PGM5: variants seen among roughly 807,000 people sequenced by gnomAD.
PGM5 encodes phosphoglucomutase 5.
PGM5 carries 23 observed loss-of-function variants against 59.2 expected under a neutral mutation model. The observed-to-expected ratio is 0.39, with a 90% CI of 0.28 to 0.55. The LOEUF is 0.55. PGM5 is among the 20% of genes least tolerant of loss of function. The pLI, the probability that PGM5 is intolerant of heterozygous loss-of-function variation, is 0.66. For synonymous variants in PGM5, 214 were observed against 286.0 expected (o/e 0.75, Z 2.54); for missense variants, 574 against 748.3 (o/e 0.77, Z 2.72).
chr9:68,478,880 G>C (rs182062841), intron 7 of PGM5, among the ~76,000 whole-genome samples: 1 of 152,144 alleles, frequency 6.6e-6, no homozygotes, highest in African/African-American at 2.4e-5. Flanking sequence ...CTGTTGGGTC[G>C]GGGAACCACC....
chr9:68,456,469 C>A (rs1554684870), intron 6 of PGM5, among the ~76,000 whole-genome samples: 1 of 146,830 alleles, frequency 6.8e-6, no homozygotes, highest in Admixed American at 6.7e-5. Flanking sequence ...TGCCACCACG[C>A]CTGGCTAATT....
At chr9:68,447,181 A>G (rs1201114918) in intron 6 of PGM5, among the ~76,000 whole-genome samples, 1 of 152,182 alleles carries the variant, frequency 6.6e-6, no homozygotes, top group Non-Finnish European at 1.5e-5. Context: ...ATGTCTGAGG[A>G]TCATGCTCAC....
intron 10 of PGM5, among the ~76,000 whole-genome samples, chr9:68,503,726 G>A (rs2132108379): frequency 6.6e-6 from 1 of 152,290 alleles, no homozygotes; most frequent in East Asian, 1.9e-4. Context: ...AATGAGAAGA[G>A]TCAGCTCAGA....
intron 6 of PGM5, among the ~76,000 whole-genome samples, chr9:68,404,447 TAGAC>T (rs1554680936): frequency 1.3e-5 from 2 of 152,110 alleles, no homozygotes; most frequent in Admixed American, 1.3e-4. Flanking sequence ...AAATCTGAGA[TAGAC>T]AACACTGATG....
intron 8 of PGM5, among the ~76,000 whole-genome samples, chr9:68,481,169 T>C (rs1554687108): frequency 6.6e-6 from 1 of 152,248 alleles, no homozygotes; most frequent in Non-Finnish European, 1.5e-5. Flanking sequence ...TTTCTTCTGT[T>C]AAGAAGACTT....
In PGM5 at chr9:68,357,149, G is replaced by T. The variant is rs577139170; in HGVS notation, c.22G>T (p.Val8Leu). The T allele has an allele frequency of 3.9e-4, 593 of 1,532,876 alleles. 2 individuals carry two copies. In the African/African-American group the frequency reaches 6.9e-3, roughly 18 times the overall value. 95.0% of individuals were successfully genotyped at this position (1,532,876 alleles called of 1,614,324 possible). A position where few individuals can be genotyped will look rare whatever the true frequency, so the allele number is the denominator to read the frequency against. The change falls in exon 1 of 11, where the codon GTG becomes TTG. Residue 8 changes from valine to leucine, a missense_variant. By Grantham distance (32) the Val-to-Leu change is conservative (BLOSUM62 1). Around this residue, in one of 7 missense-constraint regions of PGM5, gnomAD observed 60 missense variants for 71.0 expected, o/e 0.85. Transcript: ENST00000396396. MEGSPIPVLTVPTAPYED... is the reference protein window; with the variant it reads MEGSPIPLLTVPTAPYED... ...CGCCATGGAGGGGAGCCCCATCCCG[G>T]TGCTGACAGTGCCCACCGCGCCCTA...
At chr9:68,407,284 T>A (rs1390923101) in intron 6 of PGM5, among the ~76,000 whole-genome samples, 1 of 152,088 alleles carries the variant, frequency 6.6e-6, no homozygotes, top group Non-Finnish European at 1.5e-5. Context: ...TGCACCACCC[T>A]ACCTGGCTAA....
At chr9:68,434,316 C>CAAAAAAAAAAAAAAAAAAAAAAAAGAA (rs71353054) in intron 6 of PGM5, among the ~76,000 whole-genome samples, 1 of 90,832 alleles carries the variant, frequency 1.1e-5, no homozygotes, top group African/African-American at 4.0e-5. Flanking sequence ...GACTCCGTCT[C>CAAAAAAAAAAAAAAAAAAAAAAAAGAA]AAAAAAAAAA....
At chr9:68,478,609 T>A (rs1806020537) in intron 7 of PGM5, among the ~76,000 whole-genome samples, 2 of 152,156 alleles carry the variant, frequency 1.3e-5, no homozygotes, top group African/African-American at 4.8e-5. Flanking sequence ...TAGAGGAGGA[T>A]TCCCCTTGCC....
intron 10 of PGM5, among the ~76,000 whole-genome samples, 158 bp from the exon 11 acceptor site, chr9:68,529,409 A>G (rs1189586698): frequency 6.6e-6 from 1 of 152,038 alleles, no homozygotes; most frequent in East Asian, 1.9e-4. Context: ...CATTCCAACT[A>G]CCATTGGTGG....
intron 6 of PGM5, among the ~76,000 whole-genome samples, chr9:68,417,275 G>T (rs764353525): frequency 3.9e-5 from 6 of 152,168 alleles, no homozygotes; most frequent in Non-Finnish European, 8.8e-5. Flanking sequence ...GCCATGTTTG[G>T]AGGTCCCTTC....
At chr9:68,419,891 T>A (rs1823099225) in intron 6 of PGM5, among the ~76,000 whole-genome samples, 1 of 152,200 alleles carries the variant, frequency 6.6e-6, no homozygotes, top group Non-Finnish European at 1.5e-5. Context: ...GTGTTAATGC[T>A]GCTGGAAGAC....
chr9:68,368,436 C>A (rs1248445108), intron 1 of PGM5, among the ~76,000 whole-genome samples: 2 of 150,980 alleles, frequency 1.3e-5, no homozygotes, highest in Non-Finnish European at 3.0e-5. Flanking sequence ...CAGTGCCAGT[C>A]GGAGACACAG....
At chr9:68,370,266 A>C (rs1355938875) in intron 1 of PGM5, among the ~76,000 whole-genome samples, 1 of 152,084 alleles carries the variant, frequency 6.6e-6, no homozygotes, top group Admixed American at 6.5e-5. Flanking sequence ...GTCATGCTTA[A>C]TTTTCTTTTC....
intron 10 of PGM5, among the ~76,000 whole-genome samples, chr9:68,520,955 T>C (rs1292961407): frequency 1.3e-5 from 2 of 152,250 alleles, no homozygotes; most frequent in Non-Finnish European, 2.9e-5. Flanking sequence ...AATTTTCAAA[T>C]AGTGTGCCTA....
intron 6 of PGM5, among the ~76,000 whole-genome samples, chr9:68,392,751 T>C (rs1382212028): frequency 1.3e-5 from 2 of 152,086 alleles, no homozygotes; most frequent in Non-Finnish European, 2.9e-5. Flanking sequence ...GGTATCTTTA[T>C]ATGGATTGTC....
chr9:68,364,982 C>T (rs1187886903), intron 1 of PGM5, among the ~76,000 whole-genome samples: 25 of 152,178 alleles, frequency 1.6e-4, no homozygotes, highest in African/African-American at 5.3e-4. Flanking sequence ...CAACATTATG[C>T]GTGAAACTTG....
chr9:68,510,383 C>T (rs1350338425), intron 10 of PGM5, among the ~76,000 whole-genome samples: 6 of 152,080 alleles, frequency 3.9e-5, no homozygotes, highest in Admixed American at 1.3e-4. Flanking sequence ...GATCTCCTGA[C>T]CTCGTGATCC....
At chr9:68,464,209 A>T in intron 6 of PGM5, among the ~76,000 whole-genome samples, 1 of 152,212 alleles carries the variant, frequency 6.6e-6, no homozygotes, top group East Asian at 1.9e-4. Context: ...GTTGAGCAAC[A>T]TTGCACACTA....
Sources: allele counts gnomAD v4.1 joint callset (sites outside exome capture counted in the v4.1 genomes callset), GRCh38; gene constraint gnomAD v4.1.1; regional missense constraint gnomAD v4.1.1; transcripts MANE v1.5; gene names NCBI Gene and HGNC (gene_info 2026-07-23, HGNC 2026-07-21).